Variants in RBFOX1 observed in about 807,000 individuals in gnomAD.
The protein encoded by RBFOX1 is RNA binding fox-1 homolog 1, also known as RNA binding protein fox-1 homolog 1.
Under a neutral mutation model 57.7 loss-of-function variants are expected in RBFOX1, and 8 were observed. The observed-to-expected ratio is 0.14, with a 90% CI of 0.08 to 0.25. The LOEUF (loss-of-function observed/expected upper bound fraction) is 0.25. Ranked by LOEUF, RBFOX1 falls within the 10% of genes least tolerant of loss-of-function variation. The probability of loss-of-function intolerance (pLI) is 1.00; values close to 1 mark genes in which losing one functional copy is unlikely to be tolerated. For missense variants in RBFOX1, 611 were observed against 548.5 expected, an observed-to-expected ratio of 1.11 and a Z score of -1.14; for synonymous variants, 326 against 222.4, an observed-to-expected ratio of 1.47 and a Z score of -4.15.
At chr16:6,230,722 T>C (rs1427863829) in intron 1 of RBFOX1, among the ~76,000 whole-genome samples, 1 of 152,218 alleles carries the variant, frequency 6.6e-6, no homozygotes, top group Non-Finnish European at 1.5e-5. Context: ...CTTATGCGGA[T>C]AGCTTAAGGA....
At chr16:5,733,153 T>G (rs1266525658) in intron 3 of RBFOX1, among the ~76,000 whole-genome samples, 1 of 152,222 alleles carries the variant, frequency 6.6e-6, no homozygotes, top group African/African-American at 2.4e-5. Flanking sequence ...CAGTCTGGTA[T>G]ACTGTTGTAG....
chr16:6,780,075 ACATATT>A (rs1208237655), intron 3 of RBFOX1, among the ~76,000 whole-genome samples: 1 of 11,054 alleles, frequency 9.0e-5, no homozygotes, highest in Non-Finnish European at 1.3e-4. Flanking sequence ...ATATATATTT[ACATATT>A]TATATATATT....
chr16:5,956,309 G>A (rs897727159), intron 4 of RBFOX1, among the ~76,000 whole-genome samples: 2 of 151,928 alleles, frequency 1.3e-5, no homozygotes, highest in African/African-American at 4.8e-5. Context: ...TATGTATTAA[G>A]CCCAGTAAAA....
intron 4 of RBFOX1, among the ~76,000 whole-genome samples, chr16:7,289,825 A>G (rs2095729520): frequency 1.3e-5 from 2 of 152,210 alleles, no homozygotes; most frequent in African/African-American, 4.8e-5. Flanking sequence ...ATAAGGATCC[A>G]AGACTCAGGA....
intron 1 of RBFOX1, among the ~76,000 whole-genome samples, chr16:6,031,940 G>T (rs1395415664): frequency 6.6e-6 from 1 of 152,172 alleles, no homozygotes; most frequent in Non-Finnish European, 1.5e-5. Context: ...CGAGAAAGGG[G>T]AGGTCATTTG....
rs113583525 is a variant in RBFOX1, at chr16:5,921,003, T to C, written c.351+53668T>C. 1.8e-3 allele frequency among the ~76,000 whole-genome samples: 270 copies of C among 152,308 alleles called. 2 individuals carry two copies. Among genetic ancestry groups the C allele is most frequent in the African/African-American group, 6.1e-3 (253 of 41,570 alleles). On this transcript the variant is annotated intron_variant, in intron 4 of 19. Transcript: ENST00000641259. ...GTGTGACGTTGAGCAGGAGACTCCA[T>C]GGATAATGGGAATCATTGATTCTAA...
At chr16:7,559,741 G>C (rs3938021) in intron 5 of RBFOX1, among the ~76,000 whole-genome samples, 1 of 152,072 alleles carries the variant, frequency 6.6e-6, no homozygotes, top group Non-Finnish European at 1.5e-5. Flanking sequence ...CGGGCCTTTC[G>C]CTTTTCATCT....
intron 1 of RBFOX1, among the ~76,000 whole-genome samples, chr16:6,131,704 G>T (rs2096630885): frequency 1.3e-5 from 2 of 152,158 alleles, no homozygotes; most frequent in Admixed American, 1.3e-4. Flanking sequence ...GAATCACTCT[G>T]GAGTTATAAA....
intron 1 of RBFOX1, among the ~76,000 whole-genome samples, chr16:6,113,970 G>A (rs913073302): frequency 6.6e-6 from 1 of 152,132 alleles, no homozygotes; most frequent in Non-Finnish European, 1.5e-5. Flanking sequence ...AAATAGAGCA[G>A]GTTTCTGTCA....
At chr16:5,889,073 T>C (rs565824499) in intron 4 of RBFOX1, among the ~76,000 whole-genome samples, 6 of 152,314 alleles carry the variant, frequency 3.9e-5, no homozygotes, top group Non-Finnish European at 4.4e-5. Flanking sequence ...CGTAGTCATT[T>C]ACTTAAAATT....
At chr16:7,665,506 TTTTC>T (rs1279449119) in intron 13 of RBFOX1, among the ~76,000 whole-genome samples, 8 of 152,156 alleles carry the variant, frequency 5.3e-5, no homozygotes, top group East Asian at 1.9e-4. Flanking sequence ...TGAGCCCCCA[TTTTC>T]TTTAACCTTT....
intron 13 of RBFOX1, among the ~76,000 whole-genome samples, chr16:7,666,139 G>A (rs1346160430): frequency 6.6e-6 from 1 of 151,998 alleles, no homozygotes; most frequent in Non-Finnish European, 1.5e-5. Context: ...TTTAAATTAT[G>A]AGGCAGGCTG....
chr16:6,144,006 C>T (rs1051898473), intron 1 of RBFOX1, among the ~76,000 whole-genome samples: 1 of 148,582 alleles, frequency 6.7e-6, no homozygotes, highest in African/African-American at 2.6e-5. Flanking sequence ...CCTATGTTGT[C>T]CAGGCTGGTT....
chr16:6,913,862 C>G (rs996684509), intron 3 of RBFOX1, among the ~76,000 whole-genome samples: 4 of 152,144 alleles, frequency 2.6e-5, no homozygotes, highest in Non-Finnish European at 4.4e-5. Context: ...TCAGGGAGGG[C>G]CAATCTATTA....
At chr16:6,874,166 A>T (rs1053905293) in intron 3 of RBFOX1, among the ~76,000 whole-genome samples, 1 of 105,994 alleles carries the variant, frequency 9.4e-6, no homozygotes, top group African/African-American at 4.7e-5. Flanking sequence ...TGGATAAAGA[A>T]ACTATGGTGT....
At chr16:5,463,798 GAAA>G (rs796297997) in intron 1 of RBFOX1, among the ~76,000 whole-genome samples, 3 of 113,870 alleles carry the variant, frequency 2.6e-5, no homozygotes, top group African/African-American at 3.2e-5. Flanking sequence ...AGACTGTCTC[GAAA>G]AAAAAAAAAA....
intron 4 of RBFOX1, among the ~76,000 whole-genome samples, chr16:7,216,218 T>C (rs1349841759): frequency 1.3e-5 from 2 of 152,202 alleles, no homozygotes; most frequent in Non-Finnish European, 2.9e-5. Context: ...TTATTGGCTA[T>C]TGTGAATCAT....
intron 3 of RBFOX1, among the ~76,000 whole-genome samples, chr16:5,691,232 GC>G (rs1180732240): frequency 6.6e-6 from 1 of 152,190 alleles, no homozygotes; most frequent in Non-Finnish European, 1.5e-5. Flanking sequence ...TTGCCTGCAA[GC>G]AAAGAACCCA....
At chr16:7,550,210 A>G (rs1021826171) in intron 5 of RBFOX1, among the ~76,000 whole-genome samples, 1 of 150,132 alleles carries the variant, frequency 6.7e-6, no homozygotes, top group Admixed American at 6.6e-5. Context: ...GAATGCCACT[A>G]TGCCCAGCCT....
Sources: gnomAD v4.1 joint callset for allele counts (sites outside exome capture counted in the v4.1 genomes callset) on GRCh38, gnomAD v4.1.1 for gene constraint, MANE v1.5 for transcripts, NCBI Gene and HGNC (gene_info 2026-07-23, HGNC 2026-07-21) for gene names.